Variants in DPP6 observed in about 807,000 individuals in gnomAD.
The protein encoded by DPP6 is A-type potassium channel modulatory protein DPP6.
In DPP6, 69 loss-of-function variants were observed where a neutral mutation model predicts 122.6. The ratio of observed to expected loss-of-function variants is 0.56; its 90% CI spans 0.46 to 0.69. The LOEUF is 0.69. DPP6 is among the 30% of genes least tolerant of loss of function. DPP6 has a pLI of 0.00. For synonymous variants in DPP6, 418 were observed against 433.1 expected, an observed-to-expected ratio of 0.97 and a Z score of 0.43; for missense variants, 928 against 1,116.9, an observed-to-expected ratio of 0.83 and a Z score of 2.41.
chr7:154,058,513 G>C (rs1202688304), intron 1 of DPP6: 58 of 136,082 alleles, frequency 4.3e-4, no homozygotes, highest in African/African-American at 1.1e-3. Context: ...CAGGGACTGA[G>C]AGCCAACCCC....
intron 6 of DPP6, among the ~76,000 whole-genome samples, chr7:154,638,612 G>C (rs1835875366): frequency 6.6e-6 from 1 of 151,534 alleles, no homozygotes; most frequent in African/African-American, 2.4e-5. Flanking sequence ...TTAGTTTTCA[G>C]TGCTGGGCAG....
At chr7:153,921,428 C>A (rs1800633447) in intron 1 of DPP6, among the ~76,000 whole-genome samples, 1 of 152,204 alleles carries the variant, frequency 6.6e-6, no homozygotes, top group Admixed American at 6.5e-5. Context: ...ATGCTGCTTA[C>A]AAAATACATC....
rs1804620029 is a variant in DPP6, at chr7:154,282,945, T to C, written c.244-163269T>C. Among the ~76,000 whole-genome samples the C allele has an allele frequency of 6.6e-6, 1 of 152,146 alleles. No individual in the cohort carries two copies. Among genetic ancestry groups the C allele is most frequent in the Non-Finnish European group, 1.5e-5 (1 of 68,022 alleles). On this transcript the variant is annotated intron_variant, in intron 1 of 25. Transcript: ENST00000377770. This position sits in a 1 kb window ranked among gnomAD's most constrained non-coding sequence, Gnocchi z 4.8. The stretch of plus-strand genomic sequence containing the variant: ...TCACAACATGTCTGATGCCTAGCTC[T>C]GGACTCAAGGGCATCAGACATCAGA...
At chr7:153,769,448 C>CATGT in the DPP6 span, among the ~76,000 whole-genome samples, 1 of 152,028 alleles carries the variant, frequency 6.6e-6, no homozygotes, top group African/African-American at 2.4e-5. Context: ...ATAGTTGGGA[C>CATGT]ACATAATGGT....
At chr7:154,680,344 A>G (rs981975640) in intron 7 of DPP6, among the ~76,000 whole-genome samples, 3 of 152,238 alleles carry the variant, frequency 2.0e-5, no homozygotes, top group Admixed American at 6.5e-5. Context: ...GCCCAAAGCT[A>G]TATCAACAAA....
rs534852371 is a variant in DPP6 at position 154,375,642 on chromosome 7, C to A, written c.244-70572C>A. Among the ~76,000 whole-genome samples the A allele has an allele frequency of 4.6e-5, 7 of 151,690 alleles. No homozygotes were observed. In the South Asian group the frequency reaches 1.2e-3, roughly 27 times the overall value. On this transcript the variant is annotated intron_variant, in intron 1 of 25. Transcript: ENST00000377770. The stretch of plus-strand genomic sequence containing the variant: ...TGTACAGACTCAGTGAGAAGGGAGC[C>A]ATCCACAAGCCAGGAAGTGAGCTCT...
chr7:153,931,783 C>A (rs1486543864), intron 1 of DPP6, among the ~76,000 whole-genome samples: 1 of 152,162 alleles, frequency 6.6e-6, no homozygotes, highest in Non-Finnish European at 1.5e-5. Flanking sequence ...ATTTCAACAG[C>A]CTCTTAAAAG....
chr7:154,840,448 C>T (rs1801432121), intron 16 of DPP6, among the ~76,000 whole-genome samples: 1 of 152,202 alleles, frequency 6.6e-6, no homozygotes, highest in African/African-American at 2.4e-5. Flanking sequence ...GTGTCCAGGT[C>T]TGATCAGATG....
At chr7:153,847,683 C>T in the DPP6 span, among the ~76,000 whole-genome samples, 1 of 152,096 alleles carries the variant, frequency 6.6e-6, no homozygotes, top group Non-Finnish European at 1.5e-5. Flanking sequence ...GTCTACTAAG[C>T]CCCTTTAATT....
intron 1 of DPP6, among the ~76,000 whole-genome samples, chr7:154,178,504 A>G (rs904750011): frequency 1.4e-5 from 2 of 147,684 alleles, no homozygotes; most frequent in Non-Finnish European, 1.5e-5. Context: ...GGATTCTTGG[A>G]AAAAAAAATC....
intron 1 of DPP6, among the ~76,000 whole-genome samples, chr7:154,071,539 C>T (rs943170627): frequency 6.6e-6 from 1 of 152,206 alleles, no homozygotes; most frequent in African/African-American, 2.4e-5. Flanking sequence ...AACTTGATTC[C>T]TGGAAATTTC....
the DPP6 span, among the ~76,000 whole-genome samples, chr7:153,776,781 A>G: frequency 1.3e-5 from 2 of 152,226 alleles, no homozygotes; most frequent in Admixed American, 1.3e-4. Context: ...ATTAAAAATT[A>G]TAGACTCACA....
chr7:154,000,336 C>A (rs1424651599), intron 1 of DPP6, among the ~76,000 whole-genome samples: 1 of 152,172 alleles, frequency 6.6e-6, no homozygotes, highest in African/African-American at 2.4e-5. Context: ...TAGCTCATTG[C>A]GGATTGGGGG....
the DPP6 span, among the ~76,000 whole-genome samples, chr7:153,797,441 A>G: frequency 1.3e-5 from 2 of 152,224 alleles, no homozygotes; most frequent in African/African-American, 2.4e-5. Context: ...CTTAAGCTCA[A>G]TGATGCAAAA....
At chr7:154,642,459 G>A (rs1242075647) in intron 6 of DPP6, among the ~76,000 whole-genome samples, 3 of 151,858 alleles carry the variant, frequency 2.0e-5, no homozygotes, top group Non-Finnish European at 2.9e-5. Flanking sequence ...GCATGGTGGC[G>A]GGTACCTGTA....
intron 1 of DPP6, among the ~76,000 whole-genome samples, chr7:154,171,245 G>A (rs1797520628): frequency 6.6e-6 from 1 of 152,182 alleles, no homozygotes; most frequent in South Asian, 2.1e-4. Context: ...GTGCTCCAAG[G>A]CCACTGCCAA....
chr7:153,870,932 T>C, the DPP6 span, among the ~76,000 whole-genome samples: 2 of 152,212 alleles, frequency 1.3e-5, no homozygotes, highest in Admixed American at 1.3e-4. Flanking sequence ...CCTTGTTTGC[T>C]TGGGTATCAG....
chr7:154,263,742 C>T (rs1017363129), intron 1 of DPP6, among the ~76,000 whole-genome samples: 1 of 152,142 alleles, frequency 6.6e-6, no homozygotes, highest in African/African-American at 2.4e-5. Context: ...GGCTGGAGTG[C>T]AATGGCACGA....
At chr7:154,550,801 AGTGCAATG>A (rs1829574189) in intron 4 of DPP6, among the ~76,000 whole-genome samples, 1 of 140,848 alleles carries the variant, frequency 7.1e-6, no homozygotes, top group African/African-American at 2.7e-5. Flanking sequence ...CCCAAGCTGG[AGTGCAATG>A]GCGCGATCTC....
Sources: gnomAD v4.1 joint callset for allele counts (sites outside exome capture counted in the v4.1 genomes callset) on GRCh38, gnomAD v4.1.1 for gene constraint, Gnocchi (gnomAD v3.1) non-coding constraint, MANE v1.5 for transcripts, NCBI Gene and HGNC (gene_info 2026-07-23, HGNC 2026-07-21) for gene names.